MED12L: variants seen among roughly 807,000 people sequenced by gnomAD.
MED12L encodes mediator complex subunit 12L, also known as mediator of RNA polymerase II transcription subunit 12-like protein.
In MED12L, 60 loss-of-function variants were observed where a neutral mutation model predicts 281.3. The observed-to-expected ratio is 0.21, with a 90% CI of 0.17 to 0.26. The LOEUF is 0.26. MED12L is among the 10% of genes least tolerant of loss of function. The pLI, the probability that MED12L is intolerant of heterozygous loss-of-function variation, is 1.00. For missense variants in MED12L, 2,146 were observed against 2,680.9 expected, an observed-to-expected ratio of 0.80 and a Z score of 4.41; for synonymous variants, 974 against 987.2, an observed-to-expected ratio of 0.99 and a Z score of 0.25.
chr3:151,236,287 G>A (rs1184694327), intron 16 of MED12L, among the ~76,000 whole-genome samples: 1 of 152,132 alleles, frequency 6.6e-6, no homozygotes. Context: ...GTTTTAAAAT[G>A]TACTTTTATA....
At chr3:151,375,547 A>G (rs1756731832) in intron 27 of MED12L, among the ~76,000 whole-genome samples, 1 of 152,120 alleles carries the variant, frequency 6.6e-6, no homozygotes, top group African/African-American at 2.4e-5. Flanking sequence ...GTGCACTACT[A>G]CTCATTTATA....
chr3:151,171,673 G>A (rs1721445171), intron 11 of MED12L, among the ~76,000 whole-genome samples: 1 of 152,232 alleles, frequency 6.6e-6, no homozygotes, highest in East Asian at 1.9e-4. Context: ...AGTTCATAGT[G>A]ATGTTTTGAA....
chr3:151,342,922 G>A (rs529099606), intron 16 of MED12L, among the ~76,000 whole-genome samples: 27 of 152,232 alleles, frequency 1.8e-4, no homozygotes, highest in African/African-American at 5.8e-4. Flanking sequence ...TGAAGTACGC[G>A]TATCATCCTC....
chr3:151,098,055 G>A (rs534178273), intron 2 of MED12L, among the ~76,000 whole-genome samples: 2 of 152,350 alleles, frequency 1.3e-5, no homozygotes, highest in South Asian at 2.1e-4. Flanking sequence ...TGATATGGGT[G>A]TGCCTTCGGC....
intron 16 of MED12L, among the ~76,000 whole-genome samples, chr3:151,342,518 A>G (rs989103262): frequency 6.6e-6 from 1 of 152,154 alleles, no homozygotes; most frequent in African/African-American, 2.4e-5. Context: ...TGAATAAAAA[A>G]CTCTGGGGTG....
chr3:151,399,774 C>A (rs73159915), intron 39 of MED12L, among the ~76,000 whole-genome samples: 44,163 of 151,946 alleles, frequency 0.29, 7,417 homozygotes, highest in Non-Finnish European at 0.38. Flanking sequence ...CCCCCTCACT[C>A]TATCGATCAT....
intron 5 of MED12L, among the ~76,000 whole-genome samples, chr3:151,155,610 G>A (rs539349920): frequency 1.6e-4 from 25 of 152,306 alleles, no homozygotes; most frequent in South Asian, 6.2e-4. Flanking sequence ...GGTCCAGCCC[G>A]CAGTGAATGA....
intron 16 of MED12L, among the ~76,000 whole-genome samples, chr3:151,256,562 A>G (rs1737845532): frequency 6.6e-6 from 1 of 152,106 alleles, no homozygotes; most frequent in Non-Finnish European, 1.5e-5. Flanking sequence ...TTTTTTTCCT[A>G]ATGTAGGCAA....
At chr3:151,133,472 T>C (rs1715697784) in intron 5 of MED12L, among the ~76,000 whole-genome samples, 1 of 152,158 alleles carries the variant, frequency 6.6e-6, no homozygotes, top group African/African-American at 2.4e-5. Flanking sequence ...TGAGGTCTCA[T>C]GTGTAACTTC....
At chr3:151,398,499 C>T (rs1715265488) in intron 39 of MED12L, among the ~76,000 whole-genome samples, 2 of 152,118 alleles carry the variant, frequency 1.3e-5, no homozygotes, top group Non-Finnish European at 2.9e-5. Flanking sequence ...CTTATATTTC[C>T]TCAGGAATGT....
At chr3:151,277,255 A>G (rs935777647) in intron 16 of MED12L, among the ~76,000 whole-genome samples, 11 of 151,900 alleles carry the variant, frequency 7.2e-5, no homozygotes, top group Admixed American at 7.2e-4. Flanking sequence ...ATTCATATAT[A>G]CCAATGTGTT....
chr3:151,413,217 C>T lies in MED12L; in HGVS notation c.6219C>T (p.Asn2073=), dbSNP rs1717153756. The change falls in exon 42 of 45, where the codon AAC becomes AAT. Residue 2073 remains asparagine, a synonymous_variant. Coordinates refer to ENST00000687756, the MANE Select transcript of MED12L (RefSeq NM_001393769.1). ...CTGTGCTGACTTCTGCACATCCAAA[C>T]CTTCCCTCCGTGCCCCTGCCTCAGG... ...IDAVLTSAHP[N]LPSVPLPQDP... The T allele has an allele frequency of 1.2e-6, 2 of 1,614,096 alleles. No homozygotes were observed. The highest frequency in any genetic ancestry group is 2.7e-5 in the African/African-American group (2 of 74,932).
intron 38 of MED12L, among the ~76,000 whole-genome samples, chr3:151,393,898 G>C (rs1714617649): frequency 1.3e-5 from 2 of 151,610 alleles, no homozygotes; most frequent in Admixed American, 6.5e-5. Context: ...CTTATGTAGA[G>C]GTTTTTTTCA....
intron 16 of MED12L, among the ~76,000 whole-genome samples, chr3:151,347,703 G>A (rs945577970): frequency 6.6e-6 from 1 of 152,162 alleles, no homozygotes; most frequent in East Asian, 1.9e-4. Context: ...TGCAGAGGAG[G>A]AGGGGAAGTC....
At chr3:151,140,930 C>T (rs913068688) in intron 5 of MED12L, among the ~76,000 whole-genome samples, 24 of 151,844 alleles carry the variant, frequency 1.6e-4, no homozygotes, top group Admixed American at 9.8e-4. Flanking sequence ...TGCAGTGGCA[C>T]GATCTCGGCT....
At chr3:151,215,336 C>T (rs1314568335) in intron 16 of MED12L, among the ~76,000 whole-genome samples, 1 of 152,086 alleles carries the variant, frequency 6.6e-6, no homozygotes, top group Admixed American at 6.6e-5. Context: ...ATAAAATGCA[C>T]ACTAGACTTT....
At position 151,160,118 on chromosome 3, in the gene MED12L, T is replaced by C. The variant is rs368060126; in HGVS notation, c.1107+17T>C. The C allele has an allele frequency of 8.6e-5, 128 of 1,488,576 alleles. No homozygotes were observed. Among genetic ancestry groups the C allele is most frequent in the Admixed American group, 3.0e-4 (13 of 43,262 alleles). 92.2% of individuals were successfully genotyped at this position (1,488,576 alleles called of 1,614,324 possible). A position where few individuals can be genotyped will look rare whatever the true frequency, so the allele number is the denominator to read the frequency against. ...ATGTTGCAGGTAAGTCCTTGGCCCT[T>C]GTTATTTTATGTTAAAATTCAATGT... On this transcript the variant is annotated intron_variant, in intron 8 of 44. Coordinates refer to ENST00000687756, the MANE Select transcript of MED12L (RefSeq NM_001393769.1).
At chr3:151,320,132 T>G (rs572278937) in intron 16 of MED12L, among the ~76,000 whole-genome samples, 3 of 152,158 alleles carry the variant, frequency 2.0e-5, no homozygotes, top group Non-Finnish European at 4.4e-5. Flanking sequence ...TCTGCATTGG[T>G]GTGGACCTGG....
intron 31 of MED12L, among the ~76,000 whole-genome samples, chr3:151,378,643 A>T (rs1445903783): frequency 6.6e-6 from 1 of 152,088 alleles, no homozygotes; most frequent in African/African-American, 2.4e-5. Context: ...CACCACAACT[A>T]ATGTTTTCTT....
Sources: allele counts gnomAD v4.1 joint callset (sites outside exome capture counted in the v4.1 genomes callset), GRCh38; gene constraint gnomAD v4.1.1; transcripts MANE v1.5; gene names NCBI Gene and HGNC (gene_info 2026-07-23, HGNC 2026-07-21).